CLYBL: variants seen among roughly 807,000 people sequenced by gnomAD.
CLYBL encodes the protein citramalyl-CoA lyase.
In CLYBL, 31 loss-of-function variants were observed where a neutral mutation model predicts 38.9. The ratio of observed to expected loss-of-function variants is 0.80; its 90% CI spans 0.60 to 1.08. The LOEUF (loss-of-function observed/expected upper bound fraction) is 1.08, where lower values mean the gene tolerates loss of function less well. Among genes scored for constraint, CLYBL ranks in the 50% least tolerant of loss-of-function variants. The probability of loss-of-function intolerance (pLI) is 0.00; values close to 1 mark genes in which losing one functional copy is unlikely to be tolerated. For missense variants in CLYBL, 434 were observed against 411.6 expected (o/e 1.05, Z -0.47); for synonymous variants, 171 against 158.6 (o/e 1.08, Z -0.59).
chr13:99,828,310 G>A (rs1254843958), intron 2 of CLYBL, among the ~76,000 whole-genome samples: 2 of 152,178 alleles, frequency 1.3e-5, no homozygotes, highest in African/African-American at 4.8e-5. Context: ...CTTAAACACA[G>A]GTTTTCTGAG....
chr13:99,650,479 C>T (rs537122899), intron 1 of CLYBL, among the ~76,000 whole-genome samples: 1 of 152,158 alleles, frequency 6.6e-6, no homozygotes, highest in Non-Finnish European at 1.5e-5. Flanking sequence ...ACCTCAGTTG[C>T]CCATCTACTT....
intron 1 of CLYBL, among the ~76,000 whole-genome samples, chr13:99,647,326 G>A (rs1370132355): frequency 6.6e-6 from 1 of 152,140 alleles, no homozygotes; most frequent in Non-Finnish European, 1.5e-5. Flanking sequence ...ATCAAGACGT[G>A]TGGCTCTGAA....
intron 2 of CLYBL, among the ~76,000 whole-genome samples, chr13:99,800,360 G>T (rs1488409193): frequency 6.6e-6 from 1 of 152,198 alleles, no homozygotes; most frequent in East Asian, 1.9e-4. Context: ...GAGGAGGTGA[G>T]ATTGGCGCTG....
intron 2 of CLYBL, among the ~76,000 whole-genome samples, chr13:99,784,978 G>A (rs1186405806): frequency 1.3e-5 from 2 of 151,108 alleles, no homozygotes; most frequent in East Asian, 2.0e-4. Context: ...TGCGACCTCC[G>A]CCTCTCTGGT....
intron 2 of CLYBL, among the ~76,000 whole-genome samples, chr13:99,838,912 T>G (rs2051002017): frequency 6.6e-6 from 1 of 152,252 alleles, no homozygotes; most frequent in Non-Finnish European, 1.5e-5. Context: ...GTGCTGGGAT[T>G]ACAGGCGTGA....
At chr13:99,839,792 T>A (rs1041097342) in intron 2 of CLYBL, among the ~76,000 whole-genome samples, 3 of 152,098 alleles carry the variant, frequency 2.0e-5, no homozygotes, top group African/African-American at 7.2e-5. Context: ...AAATGGGGTA[T>A]CCATCTCCTT....
At chr13:99,740,546 C>G (rs536626058) in intron 1 of CLYBL, among the ~76,000 whole-genome samples, 2 of 152,178 alleles carry the variant, frequency 1.3e-5, no homozygotes, top group Non-Finnish European at 2.9e-5. Flanking sequence ...CTTGTATTTT[C>G]TATGTGCCGG....
chr13:99,900,250 A>G (rs2052626464), downstream of CLYBL, among the ~76,000 whole-genome samples: 2 of 152,028 alleles, frequency 1.3e-5, no homozygotes, highest in Admixed American at 1.3e-4. Flanking sequence ...TCATTACTAG[A>G]TGAAGTATAT....
intron 2 of CLYBL, among the ~76,000 whole-genome samples, chr13:99,817,639 A>G: frequency 7.0e-6 from 1 of 142,898 alleles, no homozygotes; most frequent in East Asian, 2.1e-4. Flanking sequence ...TGGGCAACAG[A>G]GCGAGACTCT....
At chr13:99,618,277 C>CTT (rs112680553) in intron 1 of CLYBL, among the ~76,000 whole-genome samples, 2 of 146,570 alleles carry the variant, frequency 1.4e-5, no homozygotes, top group African/African-American at 5.0e-5. Flanking sequence ...ATCATTTTAA[C>CTT]TTTTTTTTTT....
intron 1 of CLYBL, among the ~76,000 whole-genome samples, chr13:99,632,998 T>C (rs2046967060): frequency 8.7e-6 from 1 of 114,314 alleles, no homozygotes; most frequent in Non-Finnish European, 1.9e-5. Context: ...CCCAACACTT[T>C]GGGGGCCCAG....
intron 2 of CLYBL, among the ~76,000 whole-genome samples, chr13:99,804,522 G>C (rs2050194364): frequency 6.6e-6 from 1 of 152,042 alleles, no homozygotes; most frequent in African/African-American, 2.4e-5. Flanking sequence ...CATGAAGACA[G>C]AGTAATGGGA....
chr13:99,679,616 G>A lies in CLYBL; in HGVS notation c.62+72859G>A, dbSNP rs192677603. 1.7e-4 allele frequency among the ~76,000 whole-genome samples: 26 copies of A among 152,138 alleles called. No homozygotes were observed. In the East Asian group the frequency reaches 5.0e-3, roughly 29 times the overall value. ...TCTGAGTAATTATGTAGAGGGTGGT[G>A]AAGCACAGACCTTTTAGATCTGCAA... On this transcript the variant is annotated intron_variant, in intron 1 of 8. Coordinates refer to ENST00000339105, the MANE Select transcript of CLYBL (RefSeq NM_206808.5).
At chr13:99,769,339 A>G (rs1344031908) in intron 1 of CLYBL, among the ~76,000 whole-genome samples, 1 of 152,198 alleles carries the variant, frequency 6.6e-6, no homozygotes, top group African/African-American at 2.4e-5. Flanking sequence ...CAAAATAGTT[A>G]CAGCAGGAAG....
At chr13:99,834,644 C>T (rs1192750959) in intron 2 of CLYBL, among the ~76,000 whole-genome samples, 1 of 152,166 alleles carries the variant, frequency 6.6e-6, no homozygotes, top group Non-Finnish European at 1.5e-5. Flanking sequence ...GGGCTGCCCA[C>T]AGGCAGTGTG....
rs1245346671 is a variant in CLYBL at position 99,857,766 on chromosome 13, C to T, written c.250-1095C>T. Among the ~76,000 whole-genome samples, 3 of 152,146 alleles carry T rather than the reference C, an allele frequency of 2.0e-5. No individual in the cohort carries two copies. The East Asian group carries it at 5.8e-4, about 29-fold the overall frequency. ...TCTTTTTTGTCTCTGCTTTGGTTTG[C>T]TATTTTCCTAGATCAGTATTGCTTT... is the stretch of plus-strand genomic sequence containing the variant. On this transcript the variant is annotated intron_variant, in intron 2 of 8. Coordinates refer to ENST00000339105, the MANE Select transcript of CLYBL (RefSeq NM_206808.5).
intron 7 of CLYBL, among the ~76,000 whole-genome samples, chr13:99,882,453 A>G (rs951393154): frequency 3.2e-4 from 49 of 152,148 alleles, no homozygotes; most frequent in African/African-American, 1.2e-3. Flanking sequence ...TCAGGAGATC[A>G]AGACCAATCT....
chr13:99,682,396 C>T (rs2047749086), intron 1 of CLYBL, among the ~76,000 whole-genome samples: 1 of 152,084 alleles, frequency 6.6e-6, no homozygotes. Context: ...CCCACCTTGG[C>T]CTCCCAAAGT....
chr13:99,777,456 G>C (rs2049542411), intron 2 of CLYBL, among the ~76,000 whole-genome samples: 1 of 151,558 alleles, frequency 6.6e-6, no homozygotes, highest in African/African-American at 2.4e-5. Flanking sequence ...ATACAAAAAT[G>C]CTGTACTGAG....
Sources: allele counts gnomAD v4.1 joint callset (sites outside exome capture counted in the v4.1 genomes callset), GRCh38; gene constraint gnomAD v4.1.1; transcripts MANE v1.5; gene names NCBI Gene and HGNC (gene_info 2026-07-23, HGNC 2026-07-21).